Variants in KPNA7 observed in about 807,000 individuals in gnomAD.
The protein encoded by KPNA7 is importin subunit alpha-8.
A neutral mutation model predicts 53.7 loss-of-function variants in KPNA7; 54 were observed. The observed-to-expected ratio is 1.01, with a 90% CI of 0.81 to 1.26. The LOEUF is 1.26. Among genes scored for constraint, KPNA7 ranks in the 50% most tolerant of loss-of-function variants. The pLI is 0.00. For missense variants in KPNA7, 640 were observed against 644.5 expected, an observed-to-expected ratio of 0.99 and a Z score of 0.07; for synonymous variants, 276 against 259.3, an observed-to-expected ratio of 1.06 and a Z score of -0.62.
At chr7:99,175,418 A>G (rs1397559508) in intron 10 of KPNA7, among the ~76,000 whole-genome samples, 9 of 151,950 alleles carry the variant, frequency 5.9e-5, no homozygotes, top group South Asian at 2.1e-4. Context: ...GACTCAAGCA[A>G]TCCACCTGTC....
downstream of KPNA7, among the ~76,000 whole-genome samples, chr7:99,173,078 A>AG (rs1798800161): frequency 6.6e-6 from 1 of 151,340 alleles, no homozygotes; most frequent in Non-Finnish European, 1.5e-5. Flanking sequence ...AAAAAAAAAA[A>AG]AAAAAAGAAA....
intron 3 of KPNA7, among the ~76,000 whole-genome samples, chr7:99,202,114 G>T (rs1205590187): frequency 6.6e-6 from 1 of 152,074 alleles, no homozygotes; most frequent in East Asian, 1.9e-4. Context: ...TGGCAACTCA[G>T]AATGACTGTA....
At chr7:99,169,572 G>A (rs1414519697), downstream of KPNA7, among the ~76,000 whole-genome samples, 1 of 152,086 alleles carries the variant, frequency 6.6e-6, no homozygotes, top group Non-Finnish European at 1.5e-5. Context: ...AGCTGAGATT[G>A]CACCACTGCA....
At chr7:99,149,663 G>C in the KPNA7 span, among the ~76,000 whole-genome samples, 15 of 152,318 alleles carry the variant, frequency 9.8e-5, no homozygotes, top group African/African-American at 3.6e-4. Context: ...CCTCTTGAGA[G>C]CACATTTCTG....
At chr7:99,207,618 T>TC in intron 1 of KPNA7, 129 bp from the exon 2 acceptor site, 2 of 44,156 alleles carry the variant, frequency 4.5e-5, no homozygotes, top group African/African-American at 2.2e-4. Context: ...GCTAGCTTTT[T>TC]TTTTTTTTTT....
the KPNA7 span, among the ~76,000 whole-genome samples, chr7:99,161,718 G>A: frequency 6.6e-6 from 1 of 152,098 alleles, no homozygotes; most frequent in East Asian, 1.9e-4. Flanking sequence ...TGGAAATTGA[G>A]GATAACCATT....
chr7:99,200,427 A>G (rs550236998), intron 3 of KPNA7, among the ~76,000 whole-genome samples: 2 of 152,270 alleles, frequency 1.3e-5, no homozygotes, highest in Admixed American at 1.3e-4. Context: ...CTATCTCAAA[A>G]TCCTTAATTT....
intron 2 of KPNA7, among the ~76,000 whole-genome samples, chr7:99,205,410 C>CAAAAAAAAAA (rs61410237): frequency 5.6e-4 from 61 of 109,782 alleles, no homozygotes; most frequent in African/African-American, 2.6e-3. Context: ...GACTCCATCT[C>CAAAAAAAAAA]AAAAAAAAAA....
At chr7:99,204,063 A>C (rs1476570951) in intron 2 of KPNA7, among the ~76,000 whole-genome samples, 2 of 152,076 alleles carry the variant, frequency 1.3e-5, no homozygotes, top group Non-Finnish European at 2.9e-5. Context: ...TTCATCCCCA[A>C]GTCTACATAC....
the KPNA7 span, among the ~76,000 whole-genome samples, chr7:99,147,230 G>A: frequency 6.6e-6 from 1 of 152,224 alleles, no homozygotes; most frequent in African/African-American, 2.4e-5. Context: ...CAGTGATGGG[G>A]ATGTGTATAG....
chr7:99,161,794 G>A, the KPNA7 span, among the ~76,000 whole-genome samples: 19 of 152,002 alleles, frequency 1.2e-4, no homozygotes, highest in Non-Finnish European at 2.1e-4. Flanking sequence ...AAGCCCAAAG[G>A]AATTGACAGA....
At chr7:99,192,944 G>A (rs1220641446) in intron 6 of KPNA7, 75 bp downstream of exon 6, 1 of 1,032,278 alleles carries the variant, frequency 9.7e-7, no homozygotes, top group Non-Finnish European at 1.4e-6. Context: ...GCAGAATGGT[G>A]AGGCTCCATC....
intron 8 of KPNA7, 80 bp downstream of exon 8, chr7:99,184,849 G>A: frequency 3.4e-6 from 4 of 1,177,322 alleles, no homozygotes; most frequent in Non-Finnish European, 4.9e-6. Context: ...TTCTGCACCT[G>A]TGTCTGGATT....
the KPNA7 span, among the ~76,000 whole-genome samples, chr7:99,148,895 G>GTTTTT: frequency 1.8e-5 from 2 of 112,570 alleles, no homozygotes; most frequent in Non-Finnish European, 3.4e-5. Flanking sequence ...CCCAAGAACC[G>GTTTTT]TTTTTTTTTT....
chr7:99,147,440 T>C, the KPNA7 span, among the ~76,000 whole-genome samples: 1 of 152,204 alleles, frequency 6.6e-6, no homozygotes, highest in East Asian at 1.9e-4. Flanking sequence ...CCATTTTCAA[T>C]AAAAATGTAC....
intron 2 of KPNA7, among the ~76,000 whole-genome samples, chr7:99,205,410 C>CAAAAAAAAAAAAA (rs61410237): frequency 9.1e-6 from 1 of 109,786 alleles, no homozygotes; most frequent in African/African-American, 4.3e-5. Context: ...GACTCCATCT[C>CAAAAAAAAAAAAA]AAAAAAAAAA....
chr7:99,181,732 A>G (rs1187499956), intron 9 of KPNA7, 151 bp downstream of exon 9: 6 of 620,514 alleles, frequency 9.7e-6, no homozygotes, highest in South Asian at 2.4e-5. Flanking sequence ...GGGTTTCACT[A>G]TGTTGGCCAG....
Position 99,188,552 on chromosome 7 carries a change from C to T in KPNA7, c.648G>A (p.Leu216=), listed in dbSNP as rs1282574674. ...TCGACAAGGTCCACGTGATGTTCCG[C>T]AGAAATGTGATCTGTAACAAGGAGA... is the stretch of plus-strand genomic sequence containing the variant. ...LISPTLPITF[L]RNITWTLSNL... is the part of the protein sequence containing the mutation. Residue 216 remains leucine (L), a synonymous_variant, in exon 7 of 11, where the codon CTG becomes CTA. Coordinates refer to ENST00000327442, the MANE Select transcript of KPNA7 (RefSeq NM_001145715.3). 1 of 1,551,358 alleles carries T rather than the reference C, an allele frequency of 6.4e-7. No individual in the cohort carries two copies. Among genetic ancestry groups the T allele is most frequent in the South Asian group, 1.2e-5 (1 of 84,062 alleles).
the KPNA7 span, among the ~76,000 whole-genome samples, chr7:99,146,452 G>T: frequency 1.3e-4 from 20 of 152,074 alleles, no homozygotes; most frequent in Non-Finnish European, 2.9e-4. Flanking sequence ...GGTGGTTCAT[G>T]CCTGTAATCC....
Sources: allele counts gnomAD v4.1 joint callset (sites outside exome capture counted in the v4.1 genomes callset), GRCh38; gene constraint gnomAD v4.1.1; transcripts MANE v1.5; gene names NCBI Gene and HGNC (gene_info 2026-07-23, HGNC 2026-07-21).